The following PCSK5 variants were observed in gnomAD, a reference collection of about 807,000 sequenced individuals.
PCSK5 encodes the protein prohormone convertase 5.
In PCSK5, 129 loss-of-function variants were observed where a neutral mutation model predicts 233.2. That is an observed-to-expected ratio of 0.55 (90% CI 0.48 to 0.64). The LOEUF (loss-of-function observed/expected upper bound fraction) is 0.64, where lower values mean the gene tolerates loss of function less well. Among genes scored for constraint, PCSK5 ranks in the 30% least tolerant of loss-of-function variants. The probability of loss-of-function intolerance (pLI) is 0.00; values close to 1 mark genes in which losing one functional copy is unlikely to be tolerated. For missense variants in PCSK5, 2,076 were observed against 2,430.1 expected, an observed-to-expected ratio of 0.85 and a Z score of 3.06; for synonymous variants, 825 against 879.2, an observed-to-expected ratio of 0.94 and a Z score of 1.09.
intron 24 of PCSK5, among the ~76,000 whole-genome samples, chr9:76,266,819 T>C (rs1239752209): frequency 5.3e-5 from 8 of 152,172 alleles, no homozygotes; most frequent in Admixed American, 3.9e-4. Context: ...ATGCTGAGCA[T>C]TGTCATCCAT....
At chr9:76,135,968 G>C (rs1055008265) in intron 10 of PCSK5, among the ~76,000 whole-genome samples, 16 of 152,200 alleles carry the variant, frequency 1.1e-4, no homozygotes, top group African/African-American at 3.9e-4. Context: ...TTTAGACTAA[G>C]TCACCAGACC....
At chr9:76,023,119 T>C (rs552141408) in intron 3 of PCSK5, among the ~76,000 whole-genome samples, 2 of 152,370 alleles carry the variant, frequency 1.3e-5, no homozygotes, top group East Asian at 3.8e-4. Context: ...TGATGCCTAT[T>C]TGTATGTCAT....
chr9:76,103,514 A>C (rs984121002), intron 8 of PCSK5, among the ~76,000 whole-genome samples: 1 of 152,176 alleles, frequency 6.6e-6, no homozygotes, highest in Non-Finnish European at 1.5e-5. Context: ...GCTAAAATCA[A>C]AGGTCCAATC....
chr9:76,243,213 T>C (rs1429942482), intron 24 of PCSK5, among the ~76,000 whole-genome samples: 2 of 152,236 alleles, frequency 1.3e-5, no homozygotes. Context: ...TACAAAGCAC[T>C]ATTAAGCTCT....
At chr9:76,201,443 T>G (rs1176524712) in intron 20 of PCSK5, among the ~76,000 whole-genome samples, 1 of 152,200 alleles carries the variant, frequency 6.6e-6, no homozygotes, top group African/African-American at 2.4e-5. Flanking sequence ...CAGTGGTAGA[T>G]AGAAGGTCTG....
intron 1 of PCSK5, among the ~76,000 whole-genome samples, chr9:75,894,966 T>C (rs148614924): frequency 1.3e-5 from 2 of 152,252 alleles, no homozygotes; most frequent in Non-Finnish European, 2.9e-5. Context: ...AGATCCCTTG[T>C]GAACAAACAG....
chr9:75,961,054 G>T (rs1825332317), intron 2 of PCSK5, among the ~76,000 whole-genome samples: 1 of 152,202 alleles, frequency 6.6e-6, no homozygotes, highest in African/African-American at 2.4e-5. Flanking sequence ...AAGGAAGATG[G>T]CTTCTTGCTA....
Position 76,189,229 on chromosome 9 carries a change from T to A in PCSK5, c.2510+6T>A, listed in dbSNP as rs1452892468. 6.2e-7 allele frequency: 1 copy of A among 1,612,020 alleles called. No homozygotes were observed. Among genetic ancestry groups the A allele is most frequent in the Admixed American group, 1.7e-5 (1 of 59,976 alleles). ...GGATACAAATCCTGCAAAAAGTAAGTGGATCTGCCCCCTGGGCCCTAGCAT... is the reference window on the plus strand; with the variant it reads ...GGATACAAATCCTGCAAAAAGTAAGAGGATCTGCCCCCTGGGCCCTAGCAT... On this transcript the variant is annotated splice_donor_region_variant and intron_variant, in intron 19 of 37. Coordinates refer to ENST00000674117, the MANE Select transcript of PCSK5 (RefSeq NM_001372043.1).
At chr9:75,909,422 G>A (rs1004606110) in intron 1 of PCSK5, among the ~76,000 whole-genome samples, 4 of 151,632 alleles carry the variant, frequency 2.6e-5, no homozygotes, top group Non-Finnish European at 5.9e-5. Flanking sequence ...AGAGCTGGGT[G>A]CGGTAGCTCA....
chr9:76,320,465 C>CTTTTTTTT (rs140154837), intron 30 of PCSK5, among the ~76,000 whole-genome samples: 11 of 102,018 alleles, frequency 1.1e-4, no homozygotes, highest in African/African-American at 1.5e-4. Context: ...TACATTGTAG[C>CTTTTTTTT]TTTTTTTTTT....
At chr9:76,317,821 G>A (rs988065206) in intron 30 of PCSK5, among the ~76,000 whole-genome samples, 11 of 152,266 alleles carry the variant, frequency 7.2e-5, no homozygotes, top group South Asian at 2.1e-4. Context: ...TGGTAGTCCC[G>A]GTAGCCAGGG....
intron 16 of PCSK5, 124 bp from the exon 17 acceptor site, chr9:76,184,543 GCTTTTC>G: frequency 1.9e-6 from 1 of 536,214 alleles, no homozygotes; most frequent in Non-Finnish European, 3.3e-6. Context: ...TGATTCTGTG[GCTTTTC>G]CTGCAATTGT....
At chr9:76,316,241 C>G (rs1327479537) in intron 30 of PCSK5, among the ~76,000 whole-genome samples, 1 of 151,974 alleles carries the variant, frequency 6.6e-6, no homozygotes, top group African/African-American at 2.4e-5. Context: ...TGGCTGGCCC[C>G]ACTCTGAGTC....
chr9:76,109,208 C>A (rs1256293712), intron 9 of PCSK5, among the ~76,000 whole-genome samples: 1 of 152,058 alleles, frequency 6.6e-6, no homozygotes, highest in Non-Finnish European at 1.5e-5. Context: ...GAACTCTACC[C>A]AGGATTTTTG....
chr9:76,125,851 A>G (rs907030508), intron 9 of PCSK5, among the ~76,000 whole-genome samples: 11 of 152,208 alleles, frequency 7.2e-5, no homozygotes, highest in Non-Finnish European at 1.3e-4. Context: ...TGCAGCTCCA[A>G]TCATCATATC....
intron 2 of PCSK5, among the ~76,000 whole-genome samples, chr9:75,940,195 G>C (rs1013745874): frequency 6.6e-6 from 1 of 152,170 alleles, no homozygotes; most frequent in Non-Finnish European, 1.5e-5. Flanking sequence ...TAACGTGTTG[G>C]TTATAATCTG....
At chr9:75,986,512 C>G (rs1826521893) in intron 3 of PCSK5, among the ~76,000 whole-genome samples, 1 of 152,176 alleles carries the variant, frequency 6.6e-6, no homozygotes, top group African/African-American at 2.4e-5. Flanking sequence ...CAGTAGCTTT[C>G]TAATTTTGGG....
At chr9:76,023,195 T>C (rs1459874546) in intron 3 of PCSK5, among the ~76,000 whole-genome samples, 2 of 152,212 alleles carry the variant, frequency 1.3e-5, no homozygotes, top group Non-Finnish European at 2.9e-5. Context: ...TTATTTAGTT[T>C]ATGCTTTTCC....
At chr9:76,142,952 A>T (rs546129137) in intron 10 of PCSK5, among the ~76,000 whole-genome samples, 1 of 152,314 alleles carries the variant, frequency 6.6e-6, no homozygotes, top group Admixed American at 6.5e-5. Context: ...TCATAAGATT[A>T]CTTGGATTTC....
Sources: gnomAD v4.1 joint callset for allele counts (sites outside exome capture counted in the v4.1 genomes callset) on GRCh38, gnomAD v4.1.1 for gene constraint, MANE v1.5 for transcripts, NCBI Gene and HGNC (gene_info 2026-07-23, HGNC 2026-07-21) for gene names.